KIAA0930: variants seen among roughly 807,000 people sequenced by gnomAD.
KIAA0930 encodes the protein KIAA0930, also known as uncharacterized protein KIAA0930.
KIAA0930 carries 24 observed loss-of-function variants against 43.9 expected under a neutral mutation model. That is an observed-to-expected ratio of 0.55 (90% CI 0.40 to 0.77). KIAA0930 has a LOEUF of 0.77. KIAA0930 is among the 30% of genes least tolerant of loss of function. KIAA0930 has a pLI of 0.00. For synonymous variants in KIAA0930, 259 were observed against 216.4 expected, an observed-to-expected ratio of 1.20 and a Z score of -1.73; for missense variants, 461 against 574.2, an observed-to-expected ratio of 0.80 and a Z score of 2.02.
chr22:45,200,091 T>G (rs1487607170), intron 7 of KIAA0930, 56 bp from the exon 8 acceptor site: 7 of 1,498,196 alleles, frequency 4.7e-6, no homozygotes, highest in Non-Finnish European at 6.3e-6. Flanking sequence ...TCCCCGGGGG[T>G]CCCAACGCCC....
chr22:45,206,741 C>G (rs2083641833), intron 2 of KIAA0930, among the ~76,000 whole-genome samples: 1 of 148,620 alleles, frequency 6.7e-6, no homozygotes, highest in Admixed American at 6.7e-5. Context: ...CTCCATCCGT[C>G]ACCCAGGCTA....
chr22:45,200,780 C>A (rs74772207), intron 7 of KIAA0930, among the ~76,000 whole-genome samples: 1 of 152,190 alleles, frequency 6.6e-6, no homozygotes, highest in Non-Finnish European at 1.5e-5. Flanking sequence ...GCTGGGGTGA[C>A]AGACTCAGAG....
chr22:45,210,128 G>A (rs987687177), intron 2 of KIAA0930, among the ~76,000 whole-genome samples: 2 of 152,246 alleles, frequency 1.3e-5, no homozygotes, highest in African/African-American at 4.8e-5. Context: ...ACAGCTGAGA[G>A]TGTCTCAAAT....
chr22:45,233,236 G>C (rs983297387), intron 1 of KIAA0930, among the ~76,000 whole-genome samples: 1 of 152,174 alleles, frequency 6.6e-6, no homozygotes, highest in Non-Finnish European at 1.5e-5. Flanking sequence ...CTTTCACTCA[G>C]ATGCCCAGGT....
At chr22:45,215,921 G>A (rs575218007) in intron 1 of KIAA0930, among the ~76,000 whole-genome samples, 1 of 152,238 alleles carries the variant, frequency 6.6e-6, no homozygotes, top group East Asian at 1.9e-4. Context: ...CCAGCTACTC[G>A]GGAGGCTGAG....
chr22:45,218,987 T>A (rs556131441), intron 1 of KIAA0930, among the ~76,000 whole-genome samples: 31 of 152,256 alleles, frequency 2.0e-4, no homozygotes, highest in African/African-American at 6.7e-4. Flanking sequence ...CGAGTGCCAA[T>A]TTAACATAAT....
intron 1 of KIAA0930, among the ~76,000 whole-genome samples, chr22:45,214,327 G>T (rs958536122): frequency 2.0e-5 from 3 of 152,124 alleles, no homozygotes; most frequent in Non-Finnish European, 2.9e-5. Flanking sequence ...GTACACAAAT[G>T]TTCACAGCAT....
intron 4 of KIAA0930, 140 bp downstream of exon 4, chr22:45,205,490 A>C (rs1362508033): frequency 2.2e-6 from 2 of 906,438 alleles, no homozygotes; most frequent in African/African-American, 1.6e-5. Context: ...GGGATACGGG[A>C]TCCCAGGAGC....
chr22:45,203,723 A>G (rs1402292169), intron 6 of KIAA0930, 122 bp downstream of exon 6: 6 of 1,080,212 alleles, frequency 5.6e-6, no homozygotes, highest in South Asian at 3.2e-5. Flanking sequence ...GGCTGCAGGT[A>G]CCCCTGGCGG....
Position 45,240,621 on chromosome 22 carries a change from G to T in KIAA0930, c.64+19C>A. ...CGCTCACCTCTCCCGGCCCGGCCTC[G>T]CCCCCGGGTCCCACTCACCGAGGCC... On this transcript the variant is annotated intron_variant, in intron 1 of 9. Coordinates refer to ENST00000336156, the MANE Select transcript of KIAA0930 (RefSeq NM_001009880.2). The T allele has an allele frequency of 6.6e-7, 1 of 1,514,914 alleles. No homozygotes were observed. The highest frequency in any genetic ancestry group is 8.8e-7 in the Non-Finnish European group (1 of 1,133,138). 93.8% of individuals were successfully genotyped at this position (1,514,914 alleles called of 1,614,324 possible). A position where few individuals can be genotyped will look rare whatever the true frequency, so the allele number is the denominator to read the frequency against.
At chr22:45,218,288 G>T (rs905823362) in intron 1 of KIAA0930, among the ~76,000 whole-genome samples, 1 of 149,664 alleles carries the variant, frequency 6.7e-6, no homozygotes, top group African/African-American at 2.5e-5. Context: ...CTCCCAAGTA[G>T]GTGTGATTAC....
At chr22:45,232,881 G>A (rs1000884745) in intron 1 of KIAA0930, among the ~76,000 whole-genome samples, 4 of 152,108 alleles carry the variant, frequency 2.6e-5, no homozygotes, top group African/African-American at 4.8e-5. Flanking sequence ...TGCAGAGTTC[G>A]GCTTTGACTC....
At chr22:45,231,338 C>A (rs553521048) in intron 1 of KIAA0930, among the ~76,000 whole-genome samples, 1 of 152,192 alleles carries the variant, frequency 6.6e-6, no homozygotes, top group African/African-American at 2.4e-5. Flanking sequence ...ATACTTTTCT[C>A]TCTTCTGCCT....
At chr22:45,231,238 A>G (rs1006074718) in intron 1 of KIAA0930, among the ~76,000 whole-genome samples, 2 of 151,848 alleles carry the variant, frequency 1.3e-5, no homozygotes, top group East Asian at 3.9e-4. Context: ...AAAAAAAAAA[A>G]AAGAAAGAAA....
intron 2 of KIAA0930, chr22:45,207,757 A>G (rs11703323): frequency 0.15 from 25,082 of 169,462 alleles, 1,993 homozygotes; most frequent in Non-Finnish European, 0.18. Flanking sequence ...GCACCCCCCA[A>G]AGGCAGAGCT....
intron 1 of KIAA0930, among the ~76,000 whole-genome samples, chr22:45,218,322 T>G (rs1462913578): frequency 7.0e-6 from 1 of 143,086 alleles, no homozygotes; most frequent in African/African-American, 2.6e-5. Context: ...CACACCCAGC[T>G]AATTTTTTTG....
rs2083526815 is a variant in KIAA0930, at chr22:45,195,366, A to G, written c.*1810T>C. ...TGTTTCTCCCAAGATCCCCAGAACA[A>G]CCAGGGGAAGAGTTCCTGAAGAAAT... On this transcript the variant is annotated 3_prime_UTR_variant, in exon 10 of 10. Transcript: ENST00000336156. 2 of 152,296 alleles carry G rather than the reference A, an allele frequency of 1.3e-5. No individual in the cohort carries two copies. Among genetic ancestry groups the G allele is most frequent in the African/African-American group, 4.8e-5 (2 of 41,462 alleles). 9.4% of individuals were successfully genotyped at this position (152,296 alleles called of 1,614,324 possible).
chr22:45,208,009 C>T (rs952090297), intron 2 of KIAA0930, among the ~76,000 whole-genome samples: 6 of 152,132 alleles, frequency 3.9e-5, no homozygotes, highest in Non-Finnish European at 7.4e-5. Context: ...CTCGGGGGCA[C>T]GATCACACGG....
At chr22:45,236,959 C>T (rs114563842) in intron 1 of KIAA0930, among the ~76,000 whole-genome samples, 1,953 of 152,318 alleles carry the variant, frequency 0.013, 50 homozygotes, top group African/African-American at 0.044. Context: ...CACCTGCTCA[C>T]GGCACCTCTC....
Sources: gnomAD v4.1 joint callset for allele counts (sites outside exome capture counted in the v4.1 genomes callset) on GRCh38, gnomAD v4.1.1 for gene constraint, MANE v1.5 for transcripts, NCBI Gene and HGNC (gene_info 2026-07-23, HGNC 2026-07-21) for gene names.